The following CELF2 variants were observed in gnomAD, a reference collection of about 807,000 sequenced individuals.
CELF2 encodes CUGBP Elav-like family member 2.
Under a neutral mutation model 62.6 loss-of-function variants are expected in CELF2, and 8 were observed. The observed-to-expected ratio is 0.13, with a 90% CI of 0.07 to 0.23. The LOEUF (loss-of-function observed/expected upper bound fraction) is 0.23. Among genes scored for constraint, CELF2 ranks in the 10% least tolerant of loss-of-function variants. The pLI, the probability that CELF2 is intolerant of heterozygous loss-of-function variation, is 1.00. For synonymous variants in CELF2, 258 were observed against 250.0 expected (o/e 1.03, Z -0.30); for missense variants, 333 against 671.0 (o/e 0.50, Z 5.56).
Position 11,011,249 on chromosome 10 carries a change from A to C in CELF2, c.53+5809A>C, listed in dbSNP as rs2056412067. The C allele has an allele frequency of 1.3e-5, 2 of 152,118 alleles. No individual in the cohort carries two copies. Among genetic ancestry groups the C allele is most frequent in the Admixed American group, 1.3e-4 (2 of 15,280 alleles). 9.4% of individuals were successfully genotyped at this position (152,118 alleles called of 1,614,324 possible). On this transcript the variant is annotated intron_variant, in intron 1 of 12. Coordinates refer to the CELF2 transcript ENST00000416382. The surrounding 1 kb of genome is among the most constrained non-coding windows in gnomAD (Gnocchi z 4.6). The stretch of plus-strand genomic sequence containing the variant: ...CGGCAATGAAAACCAAGCAAGTAAC[A>C]AACATACATGCAGTGCTCAATGAAA...
At chr10:10,712,706 A>G in the CELF2 span, among the ~76,000 whole-genome samples, 292 of 152,228 alleles carry the variant, frequency 1.9e-3, 1 homozygote, top group East Asian at 0.011. Context: ...GATTCTCCAT[A>G]TTCACTTCTA....
At chr10:10,924,561 G>A (rs2065266149) in intron 2 of CELF2, among the ~76,000 whole-genome samples, 1 of 152,094 alleles carries the variant, frequency 6.6e-6, no homozygotes, top group South Asian at 2.1e-4. Context: ...TGAGGACCAC[G>A]AAGTATTCGT....
At chr10:10,651,221 T>C in the CELF2 span, among the ~76,000 whole-genome samples, 19 of 123,926 alleles carry the variant, frequency 1.5e-4, 5 homozygotes, top group South Asian at 7.8e-4. Context: ...GAGGGTCCTA[T>C]GCCCACAGAA....
chr10:10,575,206 C>T, the CELF2 span, among the ~76,000 whole-genome samples: 2 of 152,000 alleles, frequency 1.3e-5, no homozygotes, highest in Non-Finnish European at 1.5e-5. Context: ...TAATAGCAAC[C>T]AAAACGTGAA....
At chr10:10,728,482 A>AG in the CELF2 span, among the ~76,000 whole-genome samples, 3 of 150,718 alleles carry the variant, frequency 2.0e-5, no homozygotes, top group Admixed American at 2.0e-4. Context: ...AAAGAGAGAG[A>AG]AAAAAATGCA....
At chr10:10,654,487 G>T in the CELF2 span, among the ~76,000 whole-genome samples, 1 of 111,268 alleles carries the variant, frequency 9.0e-6, no homozygotes, top group African/African-American at 3.4e-5. Flanking sequence ...CTGGCAAAAC[G>T]AATCCAGCAG....
chr10:10,508,603 G>T, the CELF2 span, among the ~76,000 whole-genome samples: 1 of 152,036 alleles, frequency 6.6e-6, no homozygotes, highest in African/African-American at 2.4e-5. Flanking sequence ...TACTGGTTGT[G>T]TGTATGTCTT....
the CELF2 span, among the ~76,000 whole-genome samples, chr10:10,687,769 G>C: frequency 6.6e-6 from 1 of 152,156 alleles, no homozygotes; most frequent in Non-Finnish European, 1.5e-5. Context: ...TTCTTGCCGG[G>C]ATGCAACATT....
At chr10:10,847,840 T>C (rs1475754521) in intron 1 of CELF2, among the ~76,000 whole-genome samples, 1 of 152,204 alleles carries the variant, frequency 6.6e-6, no homozygotes, top group Non-Finnish European at 1.5e-5. Flanking sequence ...AGCCAGATTT[T>C]ATAGCATTAT....
chr10:10,518,717 AT>A, the CELF2 span, among the ~76,000 whole-genome samples: 14 of 145,988 alleles, frequency 9.6e-5, no homozygotes, highest in East Asian at 3.9e-4. Flanking sequence ...CCACAAAATG[AT>A]TTTTTTTTAA....
rs2065700529 is a variant in CELF2, at chr10:11,224,014, G to A, written c.354+6507G>A. ...TGTTGATGGGCAGTTATTTACGTAC[G>A]GCTTTGATTAAAATAAAAAACTAGT... On this transcript the variant is annotated intron_variant, in intron 3 of 12. Transcript: ENST00000633077. This position sits in a 1 kb window ranked among gnomAD's most constrained non-coding sequence, Gnocchi z 4.5. Among the ~76,000 whole-genome samples, 2 of 152,074 alleles carry A rather than the reference G, an allele frequency of 1.3e-5. No homozygotes were observed. The highest frequency in any genetic ancestry group is 2.4e-5 in the African/African-American group (1 of 41,346).
chr10:10,497,937 T>C, the CELF2 span, among the ~76,000 whole-genome samples: 30 of 152,126 alleles, frequency 2.0e-4, no homozygotes, highest in African/African-American at 7.2e-4. Context: ...AAGAAGAAAT[T>C]GATGAACAGA....
At chr10:10,886,980 A>G (rs969434296) in intron 1 of CELF2, among the ~76,000 whole-genome samples, 2 of 152,152 alleles carry the variant, frequency 1.3e-5, no homozygotes, top group Non-Finnish European at 2.9e-5. Context: ...AGGGAGACAG[A>G]TTTTTGCCTG....
chr10:10,751,523 T>G, the CELF2 span, among the ~76,000 whole-genome samples: 1 of 152,192 alleles, frequency 6.6e-6, no homozygotes, highest in Non-Finnish European at 1.5e-5. Flanking sequence ...TCCACCCAGA[T>G]GGTGTTTTTT....
intron 5 of CELF2, among the ~76,000 whole-genome samples, chr10:11,259,710 C>T (rs965931157): frequency 1.3e-5 from 2 of 152,166 alleles, no homozygotes; most frequent in African/African-American, 2.4e-5. Context: ...TACTAGCATG[C>T]CTTCCTAGGG....
At chr10:11,005,051 G>A, upstream of CELF2, 2 of 985,220 alleles carry the variant, frequency 2.0e-6, no homozygotes, top group Non-Finnish European at 2.4e-6. This position sits in a 1 kb window ranked among gnomAD's most constrained non-coding sequence, Gnocchi z 4.3. Flanking sequence ...TTTTAAAGAT[G>A]GTAATTAGGA....
At chr10:10,609,854 G>C in the CELF2 span, among the ~76,000 whole-genome samples, 2 of 152,188 alleles carry the variant, frequency 1.3e-5, no homozygotes, top group East Asian at 3.9e-4. Flanking sequence ...GCATCTACTT[G>C]CCTCACAGAT....
At chr10:11,281,939 G>C (rs1228971747) in intron 8 of CELF2, among the ~76,000 whole-genome samples, 1 of 152,162 alleles carries the variant, frequency 6.6e-6, no homozygotes, top group African/African-American at 2.4e-5. Context: ...CTTGGACCCT[G>C]GGGCAGGGAG....
At chr10:10,532,555 A>G in the CELF2 span, among the ~76,000 whole-genome samples, 1 of 152,210 alleles carries the variant, frequency 6.6e-6, no homozygotes, top group Non-Finnish European at 1.5e-5. Context: ...CTGTGATTAT[A>G]TAATCTTACA....
Sources: allele counts gnomAD v4.1 joint callset (sites outside exome capture counted in the v4.1 genomes callset), GRCh38; gene constraint gnomAD v4.1.1; non-coding constraint Gnocchi (gnomAD v3.1); transcripts MANE v1.5; gene names NCBI Gene and HGNC (gene_info 2026-07-23, HGNC 2026-07-21).